CYYR1: variants seen among roughly 807,000 people sequenced by gnomAD.
CYYR1 encodes the protein cysteine and tyrosine-rich protein 1.
Under a neutral mutation model 15.2 loss-of-function variants are expected in CYYR1, and 14 were observed. That is an observed-to-expected ratio of 0.92 (90% CI 0.61 to 1.44). CYYR1 has a LOEUF of 1.44. CYYR1 is among the 40% of genes most tolerant of loss of function. CYYR1 has a pLI of 0.00. For synonymous variants in CYYR1, 80 were observed against 77.4 expected, an observed-to-expected ratio of 1.03 and a Z score of -0.18; for missense variants, 228 against 209.5, an observed-to-expected ratio of 1.09 and a Z score of -0.54.
intron 2 of CYYR1, among the ~76,000 whole-genome samples, chr21:26,562,834 A>ACACACACACACG (rs1555912099): frequency 7.3e-5 from 11 of 151,268 alleles, no homozygotes; most frequent in Non-Finnish European, 1.6e-4. Flanking sequence ...ACACACGGAC[A>ACACACACACACG]GACTTAGCTT....
chr21:26,482,579 T>C, intron 2 of CYYR1: 1 of 912,954 alleles, frequency 1.1e-6, no homozygotes. Flanking sequence ...CGTTCCTGAA[T>C]GGCTTCTTAA....
intron 2 of CYYR1, among the ~76,000 whole-genome samples, chr21:26,554,981 T>G (rs538890605): frequency 6.6e-6 from 1 of 152,170 alleles, no homozygotes; most frequent in Non-Finnish European, 1.5e-5. Flanking sequence ...CTTCTTTGTA[T>G]AAATATATAT....
intron 2 of CYYR1, among the ~76,000 whole-genome samples, chr21:26,562,621 T>C (rs1166260693): frequency 6.6e-6 from 1 of 152,122 alleles, no homozygotes; most frequent in African/African-American, 2.4e-5. Context: ...AGAGTCTGTC[T>C]TAAAACCATG....
intron 2 of CYYR1, among the ~76,000 whole-genome samples, chr21:26,517,987 T>C (rs1372727816): frequency 6.6e-6 from 1 of 152,190 alleles, no homozygotes; most frequent in Non-Finnish European, 1.5e-5. Flanking sequence ...CACCTGACCC[T>C]GAGGTCTTGG....
At chr21:26,549,655 T>A (rs1003370423) in intron 2 of CYYR1, among the ~76,000 whole-genome samples, 1 of 152,104 alleles carries the variant, frequency 6.6e-6, no homozygotes, top group Non-Finnish European at 1.5e-5. Flanking sequence ...CAGAAAAGTG[T>A]AGAGTGTGGG....
intron 2 of CYYR1, among the ~76,000 whole-genome samples, chr21:26,540,071 C>G (rs1978439206): frequency 6.6e-6 from 1 of 152,190 alleles, no homozygotes; most frequent in African/African-American, 2.4e-5. Flanking sequence ...CAGACTCTCT[C>G]TAGATGCTTT....
chr21:26,534,210 T>C (rs768707920), intron 2 of CYYR1, among the ~76,000 whole-genome samples: 2 of 152,212 alleles, frequency 1.3e-5, no homozygotes, highest in African/African-American at 4.8e-5. Flanking sequence ...AGAAATGATG[T>C]CTTATTTTGT....
At chr21:26,475,430 A>G (rs1382321784) in intron 3 of CYYR1, among the ~76,000 whole-genome samples, 1 of 152,114 alleles carries the variant, frequency 6.6e-6, no homozygotes, top group African/African-American at 2.4e-5. Flanking sequence ...CTCTGATCCC[A>G]TCAAAGGCTA....
intron 2 of CYYR1, among the ~76,000 whole-genome samples, chr21:26,514,849 C>T (rs746352788): frequency 9.2e-5 from 14 of 152,182 alleles, no homozygotes; most frequent in East Asian, 3.8e-4. Context: ...AAGCAATTGA[C>T]GGACATGAGA....
rs540335793 is a variant in CYYR1, at chr21:26,557,152, G to T, written c.176+9114C>A. On this transcript the variant is annotated intron_variant, in intron 2 of 3. Coordinates refer to ENST00000652641, the MANE Select transcript of CYYR1 (RefSeq NM_001320768.2). ...ATAGGTCACAAGGACTATTCTGAAGGTTAATTAACTTATATGTTTTACACA... is the reference window on the plus strand; with the variant it reads ...ATAGGTCACAAGGACTATTCTGAAGTTTAATTAACTTATATGTTTTACACA... Among the ~76,000 whole-genome samples, 9 of 152,228 alleles carry T rather than the reference G, an allele frequency of 5.9e-5. No homozygotes were observed. In the East Asian group the frequency reaches 1.7e-3, roughly 29 times the overall value.
chr21:26,547,779 C>CTT (rs11298777), intron 2 of CYYR1, among the ~76,000 whole-genome samples: 1 of 143,416 alleles, frequency 7.0e-6, no homozygotes, highest in African/African-American at 2.6e-5. Flanking sequence ...TCTATTTCTA[C>CTT]TTTTTTTTTT....
chr21:26,482,902 A>G (rs2065201259), intron 2 of CYYR1, among the ~76,000 whole-genome samples: 1 of 151,974 alleles, frequency 6.6e-6, no homozygotes, highest in African/African-American at 2.4e-5. Context: ...TTTAAAATAT[A>G]TATATTTTCC....
intron 2 of CYYR1, among the ~76,000 whole-genome samples, chr21:26,542,958 T>C (rs746819387): frequency 1.8e-4 from 27 of 152,232 alleles, no homozygotes; most frequent in Non-Finnish European, 2.8e-4. Context: ...TCACAATGTT[T>C]AGCCCAATGC....
At chr21:26,478,049 C>G in intron 3 of CYYR1, 1 of 1,547,562 alleles carries the variant, frequency 6.5e-7, no homozygotes, top group Non-Finnish European at 8.7e-7. Context: ...AGCTGAGTGC[C>G]CATTATGTAC....
intron 2 of CYYR1, among the ~76,000 whole-genome samples, chr21:26,542,227 A>G (rs1433576674): frequency 4.1e-5 from 1 of 24,120 alleles, no homozygotes; most frequent in Non-Finnish European, 8.1e-5. Context: ...CAGCATAAGA[A>G]GGTGGGGGAC....
chr21:26,570,450 T>C (rs1980937257), intron 1 of CYYR1, among the ~76,000 whole-genome samples: 1 of 152,180 alleles, frequency 6.6e-6, no homozygotes, highest in Admixed American at 6.5e-5. Context: ...GAGACAGAAG[T>C]TACTGGCTGA....
intron 2 of CYYR1, among the ~76,000 whole-genome samples, chr21:26,499,046 A>G (rs541837998): frequency 6.6e-6 from 1 of 152,332 alleles, no homozygotes; most frequent in South Asian, 2.1e-4. Flanking sequence ...TGAAAAATAG[A>G]TAATAAAAGT....
At chr21:26,536,392 TG>T (rs1978302094) in intron 2 of CYYR1, among the ~76,000 whole-genome samples, 1 of 152,212 alleles carries the variant, frequency 6.6e-6, no homozygotes, top group African/African-American at 2.4e-5. Flanking sequence ...GTTTATAGTC[TG>T]TGTGATTTAA....
Position 26,470,292 on chromosome 21 carries a change from G to A in CYYR1, c.335-1658C>T, listed in dbSNP as rs17002189. Among the ~76,000 whole-genome samples the A allele has an allele frequency of 3.7e-3, 566 of 152,264 alleles. 5 individuals carry two copies. Among genetic ancestry groups the A allele is most frequent in the African/African-American group, 0.012 (517 of 41,566 alleles). ...CTCTTTCTAATAAGAATTTGACAGTGTTCTGATAAACAGACATAGACATAC... is the reference window on the plus strand; with the variant it reads ...CTCTTTCTAATAAGAATTTGACAGTATTCTGATAAACAGACATAGACATAC... On this transcript the variant is annotated intron_variant, in intron 3 of 3. Transcript: ENST00000652641.
Sources: gnomAD v4.1 joint callset for allele counts (sites outside exome capture counted in the v4.1 genomes callset) on GRCh38, gnomAD v4.1.1 for gene constraint, MANE v1.5 for transcripts, NCBI Gene and HGNC (gene_info 2026-07-23, HGNC 2026-07-21) for gene names.